Variants in AKAP12 observed in about 807,000 individuals in gnomAD.
AKAP12 encodes A-kinase anchoring protein 12, also known as A-kinase anchor protein 12.
A neutral mutation model predicts 79.9 loss-of-function variants in AKAP12; 32 were observed. The observed-to-expected ratio is 0.40, with a 90% CI of 0.30 to 0.54. AKAP12 has a LOEUF of 0.54. AKAP12 is among the 20% of genes least tolerant of loss of function. The pLI is 0.48. For missense variants in AKAP12, 2,074 were observed against 2,177.0 expected (o/e 0.95, Z 0.94); for synonymous variants, 808 against 857.0 (o/e 0.94, Z 1.00).
chr6:151,287,901 C>A (rs568823227), intron 2 of AKAP12, among the ~76,000 whole-genome samples: 2 of 152,162 alleles, frequency 1.3e-5, no homozygotes, highest in Admixed American at 6.5e-5. Flanking sequence ...AGGACGAGTT[C>A]ATGTCCTTTG....
chr6:151,314,297 G>T (rs1200820092), intron 3 of AKAP12, among the ~76,000 whole-genome samples: 1 of 152,100 alleles, frequency 6.6e-6, no homozygotes, highest in Non-Finnish European at 1.5e-5. Context: ...CAAGTGCTGG[G>T]ATTACAGGCA....
intron 2 of AKAP12, among the ~76,000 whole-genome samples, chr6:151,299,805 C>A (rs537818752): frequency 7.2e-6 from 1 of 139,056 alleles, no homozygotes; most frequent in Non-Finnish European, 1.6e-5. Context: ...ATTTATTTTT[C>A]CTTTGTAGAG....
At chr6:151,341,462 C>A (rs1406541973) in intron 3 of AKAP12, among the ~76,000 whole-genome samples, 2 of 152,288 alleles carry the variant, frequency 1.3e-5, no homozygotes, top group East Asian at 3.9e-4. Flanking sequence ...TGAAGAGACC[C>A]CACTGGGGCG....
Position 151,349,720 on chromosome 6 carries a change from A to T in AKAP12, c.1329A>T (p.Pro443=). ...TGGAAGAAACAGCAGGGTCTGTGCC[A>T]GCTGAAGAATTGGTTGAAATGGATG... is the stretch of plus-strand genomic sequence containing the variant. ...TEVEETAGSV[P]AEELVEMDAE... The change falls in exon 4 of 5, where the codon CCA becomes CCT. Residue 443 remains proline, a synonymous_variant. Coordinates refer to ENST00000402676, the MANE Select transcript of AKAP12 (RefSeq NM_005100.4). 1 of 1,614,154 alleles carries T rather than the reference A, an allele frequency of 6.2e-7. No individual in the cohort carries two copies. The highest frequency in any genetic ancestry group is 8.5e-7 in the Non-Finnish European group (1 of 1,180,030).
intron 3 of AKAP12, among the ~76,000 whole-genome samples, chr6:151,312,769 G>A (rs1449535625): frequency 7.4e-6 from 1 of 135,958 alleles, no homozygotes; most frequent in African/African-American, 2.8e-5. Flanking sequence ...TCCAGCCTAG[G>A]CTACAAGAGG....
chr6:151,268,958 T>G (rs1026436242), intron 2 of AKAP12, among the ~76,000 whole-genome samples: 4 of 125,902 alleles, frequency 3.2e-5, no homozygotes, highest in South Asian at 4.8e-4. Context: ...TTTTTTTTTT[T>G]TTTTTTTTTT....
At chr6:151,328,163 T>C (rs1021168068) in intron 3 of AKAP12, among the ~76,000 whole-genome samples, 4 of 149,734 alleles carry the variant, frequency 2.7e-5, no homozygotes, top group African/African-American at 9.9e-5. Context: ...CCGTCTCTAG[T>C]AAAAATACAA....
At chr6:151,311,835 G>C (rs918595671) in intron 3 of AKAP12, among the ~76,000 whole-genome samples, 2 of 152,142 alleles carry the variant, frequency 1.3e-5, no homozygotes, top group African/African-American at 2.4e-5. Context: ...TTACCTTACA[G>C]AAAATCCATT....
intron 2 of AKAP12, among the ~76,000 whole-genome samples, chr6:151,275,139 A>G (rs1194938329): frequency 6.6e-6 from 1 of 151,974 alleles, no homozygotes; most frequent in Non-Finnish European, 1.5e-5. Flanking sequence ...AATTTTTCTC[A>G]CAAACATGTT....
intron 2 of AKAP12, among the ~76,000 whole-genome samples, chr6:151,268,924 A>T (rs1776112106): frequency 7.2e-6 from 1 of 138,038 alleles, no homozygotes. Flanking sequence ...GATTACAGGC[A>T]TGAGCCACCG....
intron 3 of AKAP12, among the ~76,000 whole-genome samples, chr6:151,316,132 C>T (rs1411692100): frequency 2.0e-5 from 3 of 152,200 alleles, no homozygotes; most frequent in Non-Finnish European, 4.4e-5. Context: ...AATTCAACAA[C>T]TGTTTAGCCT....
intron 2 of AKAP12, among the ~76,000 whole-genome samples, chr6:151,283,846 G>A (rs76939170): frequency 2.6e-5 from 4 of 152,096 alleles, no homozygotes; most frequent in African/African-American, 7.2e-5. Context: ...GGCAAGTCCC[G>A]CAGGCCTCAT....
chr6:151,242,972 A>G (rs1342189820), intron 2 of AKAP12, among the ~76,000 whole-genome samples: 1 of 152,206 alleles, frequency 6.6e-6, no homozygotes, highest in African/African-American at 2.4e-5. Flanking sequence ...ACCCTTGATC[A>G]TTTCATTATC....
rs142016119 is a variant in AKAP12, at chr6:151,353,338, C to G, written c.4947C>G (p.Ser1649=). ...EKTMTVEVEG[S]TVNDQQLEEV... is the part of the protein sequence containing the mutation. ...CCATGACTGTTGAGGTAGAAGGTTC[C>G]ACTGTAAATGATCAGCAGCTGGAAG... Residue 1649 remains serine (S), a synonymous_variant, in exon 4 of 5, where the codon TCC becomes TCG. Transcript: ENST00000402676. 3.7e-6 allele frequency: 6 copies of G among 1,614,152 alleles called. No homozygotes were observed. The highest frequency in any genetic ancestry group is 4.2e-6 in the Non-Finnish European group (5 of 1,180,026).
In AKAP12 at chr6:151,344,749, C is replaced by T. The variant is rs1385710641; in HGVS notation, c.320-3962C>T. ...GGGTTTCACCATGTTGGCCAGCCTG[C>T]TCTCAAACTCCTGACCTTAAATGAT... On this transcript the variant is annotated intron_variant, in intron 3 of 4. Coordinates refer to ENST00000402676, the MANE Select transcript of AKAP12 (RefSeq NM_005100.4). Among the ~76,000 whole-genome samples the T allele has an allele frequency of 2.0e-5, 3 of 151,978 alleles. No homozygotes were observed. In the East Asian group the frequency reaches 5.9e-4, roughly 30 times the overall value.
rs1237483528 is a variant in AKAP12, at chr6:151,349,623, A to C, written c.1232A>C (p.His411Pro). 1 of 1,612,484 alleles carries C rather than the reference A, an allele frequency of 6.2e-7. No homozygotes were observed. The highest frequency in any genetic ancestry group is 2.2e-5 in the East Asian group (1 of 44,884). Residue 411 changes from histidine to proline, a missense_variant, in exon 4 of 5, where the codon CAC becomes CCC. Coordinates refer to ENST00000402676, the MANE Select transcript of AKAP12 (RefSeq NM_005100.4). ...TEVFDEKIEV[H>P]QEEVVAEVHV... is the part of the protein sequence containing the mutation. ...GTGTTTGATGAGAAAATAGAAGTCC[A>C]CCAAGAAGAGGTTGTGGCCGAAGTC...
Position 151,348,983 on chromosome 6 carries a change from C to T in AKAP12, c.592C>T (p.Leu198=). 6.2e-7 allele frequency: 1 copy of T among 1,614,092 alleles called. No homozygotes were observed. Among genetic ancestry groups the T allele is most frequent in the Non-Finnish European group, 8.5e-7 (1 of 1,180,016 alleles). The part of the protein sequence containing the change: ...DKTEKPDTVQ[L]LTVKKDEGEG... ...GACAGAGAAGCCTGACACTGTCCAGCTACTCACTGTGAAGAAAGATGAAGG... is the reference window on the plus strand; with the variant it reads ...GACAGAGAAGCCTGACACTGTCCAGTTACTCACTGTGAAGAAAGATGAAGG... Residue 198 remains leucine (L), a synonymous_variant, in exon 4 of 5, where the codon CTA becomes TTA. Transcript: ENST00000402676.
chr6:151,350,831 C>G lies in AKAP12; in HGVS notation c.2440C>G (p.Arg814Gly). 1 of 1,613,858 alleles carries G rather than the reference C, an allele frequency of 6.2e-7. No homozygotes were observed. The highest frequency in any genetic ancestry group is 8.5e-7 in the Non-Finnish European group (1 of 1,179,976). ...CTCAATCAAGAAGTTTATTCCTGGA[C>G]GAAGGAAGAAAAGGCCAGATGGGAA... is the stretch of plus-strand genomic sequence containing the variant. ...WVSIKKFIPG[R>G]RKKRPDGKQE... is the part of the protein sequence containing the mutation. Residue 814 changes from arginine (R) to glycine (G), a missense_variant, in exon 4 of 5, where the codon CGA becomes GGA. Transcript: ENST00000402676. The surrounding 1 kb of genome is among the most constrained non-coding windows in gnomAD (Gnocchi z 4.8).
At chr6:151,310,108 A>G (rs1582872379) in intron 3 of AKAP12, among the ~76,000 whole-genome samples, 1 of 152,302 alleles carries the variant, frequency 6.6e-6, no homozygotes, top group Non-Finnish European at 1.5e-5. Flanking sequence ...CACACCTGTA[A>G]TCCCAGCACT....
Sources: allele counts gnomAD v4.1 joint callset (sites outside exome capture counted in the v4.1 genomes callset), GRCh38; gene constraint gnomAD v4.1.1; non-coding constraint Gnocchi (gnomAD v3.1); transcripts MANE v1.5; gene names NCBI Gene and HGNC (gene_info 2026-07-23, HGNC 2026-07-21).